Variants in GABPB2 observed in about 807,000 individuals in gnomAD.
The protein encoded by GABPB2 is GA-binding protein subunit beta-2.
In GABPB2, 23 loss-of-function variants were observed where a neutral mutation model predicts 39.1. The observed-to-expected ratio is 0.59, with a 90% confidence interval of 0.42 to 0.83. GABPB2 has a LOEUF of 0.83. GABPB2 is among the 40% of genes least tolerant of loss of function. The pLI is 0.00. For synonymous variants in GABPB2, 184 were observed against 199.3 expected, an observed-to-expected ratio of 0.92 and a Z score of 0.65; for missense variants, 467 against 541.1, an observed-to-expected ratio of 0.86 and a Z score of 1.36.
intron 6 of GABPB2, among the ~76,000 whole-genome samples, chr1:151,105,433 T>C (rs1412083114): frequency 6.7e-6 from 1 of 148,586 alleles, no homozygotes; most frequent in African/African-American, 2.4e-5. Context: ...CAAATATATA[T>C]ATCAAATATA....
chr1:151,086,353 C>G (rs1211895113), intron 1 of GABPB2, among the ~76,000 whole-genome samples: 1 of 152,078 alleles, frequency 6.6e-6, no homozygotes, highest in Admixed American at 6.6e-5. Context: ...TTTGCTGTGT[C>G]ATCCAGGACA....
At chr1:151,089,246 C>T (rs1678465969) in intron 2 of GABPB2, among the ~76,000 whole-genome samples, 1 of 151,812 alleles carries the variant, frequency 6.6e-6, no homozygotes, top group African/African-American at 2.4e-5. Flanking sequence ...TAGCATTTCA[C>T]AAAAAGAAAG....
intron 7 of GABPB2, among the ~76,000 whole-genome samples, chr1:151,108,604 C>T (rs116540854): frequency 0.011 from 1,643 of 151,990 alleles, 30 homozygotes; most frequent in African/African-American, 0.037. Flanking sequence ...TGGGCTCAAG[C>T]TATCCTCCCG....
At chr1:151,113,137 T>A (rs1680594658) in intron 7 of GABPB2, among the ~76,000 whole-genome samples, 1 of 151,874 alleles carries the variant, frequency 6.6e-6, no homozygotes, top group South Asian at 2.1e-4. Flanking sequence ...GGTCTCAGAC[T>A]CCTAGACTCA....
At chr1:151,083,608 T>C (rs1008461950) in intron 1 of GABPB2, among the ~76,000 whole-genome samples, 2 of 151,468 alleles carry the variant, frequency 1.3e-5, no homozygotes, top group Non-Finnish European at 2.9e-5. Context: ...CACTCCAGCC[T>C]GGGTGACAGG....
At chr1:151,113,917 C>T (rs1395391980) in intron 7 of GABPB2, among the ~76,000 whole-genome samples, 4 of 152,172 alleles carry the variant, frequency 2.6e-5, no homozygotes, top group Admixed American at 2.6e-4. Flanking sequence ...CCTTGATACC[C>T]ATCCAAGTTG....
chr1:151,087,471 ACCC>A (rs1321885017), intron 1 of GABPB2, among the ~76,000 whole-genome samples: 1 of 151,310 alleles, frequency 6.6e-6, no homozygotes, highest in Non-Finnish European at 1.5e-5. Context: ...ACATGGTGAA[ACCC>A]CATCTCTACT....
At chr1:151,072,669 A>G (rs1676828426) in intron 1 of GABPB2, among the ~76,000 whole-genome samples, 7 of 152,060 alleles carry the variant, frequency 4.6e-5, no homozygotes, top group Admixed American at 4.6e-4. Flanking sequence ...AACATGGTGA[A>G]ACCCCATTTC....
intron 1 of GABPB2, among the ~76,000 whole-genome samples, chr1:151,083,920 T>C (rs1677937690): frequency 6.6e-6 from 1 of 150,580 alleles, no homozygotes; most frequent in African/African-American, 2.4e-5. Flanking sequence ...TTTGTATTTT[T>C]AGTAGAGATG....
intron 1 of GABPB2, among the ~76,000 whole-genome samples, chr1:151,077,807 C>T (rs12049116): frequency 0.7 from 106,049 of 150,782 alleles, 38,475 homozygotes; most frequent in East Asian, 0.89. Context: ...AAAAATTAGC[C>T]GGGCATGGTG....
intron 6 of GABPB2, among the ~76,000 whole-genome samples, chr1:151,104,174 AG>A (rs1211582643): frequency 6.6e-6 from 1 of 152,212 alleles, no homozygotes; most frequent in Non-Finnish European, 1.5e-5. Context: ...GAGCAAATAT[AG>A]GCTATGTATT....
chr1:151,083,451 G>A (rs587716816), intron 1 of GABPB2, among the ~76,000 whole-genome samples: 2 of 152,244 alleles, frequency 1.3e-5, no homozygotes, highest in East Asian at 3.9e-4. Flanking sequence ...GGCCAACATG[G>A]CGAAAACCTG....
chr1:151,071,115 C>T (rs981829304), intron 1 of GABPB2, among the ~76,000 whole-genome samples, 181 bp downstream of exon 1: 1 of 134,220 alleles, frequency 7.5e-6, no homozygotes, highest in South Asian at 2.3e-4. Context: ...GGGATGCTGT[C>T]GGGAGGAAGG....
rs1170555024 is a variant in GABPB2 at position 151,103,684 on chromosome 1, G to A, written c.736+9G>A. 1.3e-6 allele frequency: 2 copies of A among 1,560,900 alleles called. No individual in the cohort carries two copies. Among genetic ancestry groups the A allele is most frequent in the Non-Finnish European group, 1.8e-6 (2 of 1,131,900 alleles). On this transcript the variant is annotated intron_variant, in intron 6 of 8. Coordinates refer to ENST00000368918, the MANE Select transcript of GABPB2 (RefSeq NM_144618.3). ...CTCACACAGAGCCACAGGTAGGTAA[G>A]GGATATGCTGCTGGGTGAATCACCA...
intron 1 of GABPB2, among the ~76,000 whole-genome samples, chr1:151,082,785 G>A (rs1477231248): frequency 2.6e-5 from 4 of 151,796 alleles, no homozygotes; most frequent in Non-Finnish European, 4.4e-5. Flanking sequence ...AGACCAGCCT[G>A]GGCAATATAA....
At position 151,117,087 on chromosome 1, in the gene GABPB2, C is replaced by T. The variant is rs142264467; in HGVS notation, c.923-305C>T. On this transcript the variant is annotated intron_variant, in intron 7 of 8. Coordinates refer to ENST00000368918, the MANE Select transcript of GABPB2 (RefSeq NM_144618.3). ...TCCTTTTTGTTTCTCCCTGAAGGGC[C>T]ATGCCTTACCTGTTGATTCGAAAAT... Among the ~76,000 whole-genome samples, 532 of 152,216 alleles carry T rather than the reference C, an allele frequency of 3.5e-3. 7 individuals are homozygous for T. The highest frequency in any genetic ancestry group is 0.012 in the African/African-American group (500 of 41,518).
chr1:151,074,666 G>A (rs1007541377), intron 1 of GABPB2, among the ~76,000 whole-genome samples: 2 of 152,016 alleles, frequency 1.3e-5, no homozygotes, highest in African/African-American at 2.4e-5. Flanking sequence ...CATTGCCATG[G>A]CATTTGTAAG....
intron 7 of GABPB2, among the ~76,000 whole-genome samples, chr1:151,107,514 T>TTC (rs1287728979): frequency 6.6e-6 from 1 of 151,936 alleles, no homozygotes; most frequent in African/African-American, 2.4e-5. Context: ...TTTTTTTTTT[T>TTC]TCTTCAGAAG....
intron 5 of GABPB2, among the ~76,000 whole-genome samples, chr1:151,103,223 G>C (rs761648766): frequency 6.6e-6 from 1 of 151,322 alleles, no homozygotes; most frequent in Non-Finnish European, 1.5e-5. Context: ...CTAATTTTTT[G>C]TATTTTTAGT....
Sources: allele counts gnomAD v4.1 joint callset (sites outside exome capture counted in the v4.1 genomes callset), GRCh38; gene constraint gnomAD v4.1.1; transcripts MANE v1.5; gene names NCBI Gene and HGNC (gene_info 2026-07-23, HGNC 2026-07-21).